Variants in SCHIP1 observed in about 807,000 individuals in gnomAD.
SCHIP1 encodes the protein schwannomin interacting protein 1, also known as schwannomin-interacting protein 1.
Under a neutral mutation model 29.7 loss-of-function variants are expected in SCHIP1, and 8 were observed. The observed-to-expected ratio is 0.27, with a 90% confidence interval of 0.16 to 0.49. The LOEUF (loss-of-function observed/expected upper bound fraction) is 0.49, where lower values mean the gene tolerates loss of function less well. Among genes scored for constraint, SCHIP1 ranks in the 20% least tolerant of loss-of-function variants. SCHIP1 has a pLI of 0.99. For synonymous variants in SCHIP1, 76 were observed against 94.9 expected, an observed-to-expected ratio of 0.80 and a Z score of 1.16; for missense variants, 193 against 294.6, an observed-to-expected ratio of 0.66 and a Z score of 2.52.
At chr3:159,541,695 G>A in the SCHIP1 span, among the ~76,000 whole-genome samples, 2 of 152,058 alleles carry the variant, frequency 1.3e-5, no homozygotes, top group Non-Finnish European at 2.9e-5. Flanking sequence ...AGACAAGTCT[G>A]CATTCCTGTT....
chr3:159,526,951 C>T, the SCHIP1 span, among the ~76,000 whole-genome samples: 2 of 152,216 alleles, frequency 1.3e-5, no homozygotes, highest in Non-Finnish European at 2.9e-5. Context: ...AACAAAAGGT[C>T]GCTTTTCCAG....
chr3:159,510,588 T>C, the SCHIP1 span, among the ~76,000 whole-genome samples: 1 of 152,192 alleles, frequency 6.6e-6, no homozygotes, highest in South Asian at 2.1e-4. Flanking sequence ...TTTTTCCCCA[T>C]CTTTGTGGTT....
At chr3:159,591,946 T>A in the SCHIP1 span, among the ~76,000 whole-genome samples, 2 of 137,914 alleles carry the variant, frequency 1.5e-5, no homozygotes, top group East Asian at 4.2e-4. Context: ...AAATTAAAAT[T>A]AAAACTAAAA....
the SCHIP1 span, among the ~76,000 whole-genome samples, chr3:159,499,012 C>T: frequency 6.6e-6 from 1 of 152,178 alleles, no homozygotes; most frequent in South Asian, 2.1e-4. Flanking sequence ...CCCTGGGCAG[C>T]TTGTATAGCT....
At chr3:159,340,531 T>C in the SCHIP1 span, among the ~76,000 whole-genome samples, 64 of 152,126 alleles carry the variant, frequency 4.2e-4, no homozygotes, top group Non-Finnish European at 7.1e-4. Flanking sequence ...TAAAATTGAG[T>C]AATCAATAAA....
At chr3:159,303,479 AGAAAG>A in the SCHIP1 span, among the ~76,000 whole-genome samples, 1 of 151,546 alleles carries the variant, frequency 6.6e-6, no homozygotes. Context: ...AGAAAAGAAA[AGAAAG>A]AGAAAGAAAA....
chr3:159,742,744 T>C, the SCHIP1 span, among the ~76,000 whole-genome samples: 1 of 151,792 alleles, frequency 6.6e-6, no homozygotes, highest in South Asian at 2.1e-4. Context: ...CTCAGCTCAC[T>C]GCAACCTCCA....
chr3:159,358,101 T>A, the SCHIP1 span, among the ~76,000 whole-genome samples: 1 of 152,206 alleles, frequency 6.6e-6, no homozygotes, highest in Admixed American at 6.5e-5. Context: ...AGAAGGCACT[T>A]GGTTTAGTGC....
chr3:159,392,399 GC>G, the SCHIP1 span, among the ~76,000 whole-genome samples: 1 of 151,978 alleles, frequency 6.6e-6, no homozygotes, highest in Non-Finnish European at 1.5e-5. Context: ...CCATGCTGGT[GC>G]GCTGCACCCA....
At chr3:159,541,057 A>G in the SCHIP1 span, among the ~76,000 whole-genome samples, 1 of 152,118 alleles carries the variant, frequency 6.6e-6, no homozygotes, top group African/African-American at 2.4e-5. Flanking sequence ...TAGGCTACGG[A>G]TGAACCAGCA....
chr3:159,769,235 C>T, the SCHIP1 span, among the ~76,000 whole-genome samples: 1 of 148,398 alleles, frequency 6.7e-6, no homozygotes, highest in Non-Finnish European at 1.5e-5. Flanking sequence ...TCACTGTAGC[C>T]CTCTTGCTCC....
chr3:159,635,931 T>C, the SCHIP1 span, among the ~76,000 whole-genome samples: 1 of 152,334 alleles, frequency 6.6e-6, no homozygotes, highest in South Asian at 2.1e-4. Flanking sequence ...GCCTTGTACT[T>C]TGTTAGTTTT....
chr3:159,366,507 C>T, the SCHIP1 span, among the ~76,000 whole-genome samples: 2 of 152,012 alleles, frequency 1.3e-5, no homozygotes, highest in Non-Finnish European at 2.9e-5. Context: ...CTTAAAACTC[C>T]CTACCATTCA....
chr3:159,462,524 G>A, the SCHIP1 span, among the ~76,000 whole-genome samples: 1 of 152,064 alleles, frequency 6.6e-6, no homozygotes, highest in African/African-American at 2.4e-5. Flanking sequence ...TTTGGCAGTC[G>A]CCTCCTACCT....
chr3:159,512,031 G>A, the SCHIP1 span, among the ~76,000 whole-genome samples: 1 of 152,086 alleles, frequency 6.6e-6, no homozygotes, highest in Non-Finnish European at 1.5e-5. Context: ...GGCTTCAAAA[G>A]CATCACTAGA....
the SCHIP1 span, among the ~76,000 whole-genome samples, chr3:159,275,629 A>T: frequency 6.6e-6 from 1 of 152,146 alleles, no homozygotes. Context: ...TATAACTATT[A>T]TCCAGCACAC....
upstream of SCHIP1, among the ~76,000 whole-genome samples, chr3:159,838,944 T>G: frequency 6.6e-6 from 1 of 151,028 alleles, no homozygotes; most frequent in South Asian, 2.1e-4. Flanking sequence ...ACAACAAAAC[T>G]AATTGCCTGT....
the SCHIP1 span, among the ~76,000 whole-genome samples, chr3:159,525,592 C>A: frequency 6.6e-6 from 1 of 152,218 alleles, no homozygotes; most frequent in Non-Finnish European, 1.5e-5. Flanking sequence ...GAGCACCATT[C>A]AGCTAAAATT....
chr3:159,680,655 TA>T, the SCHIP1 span, among the ~76,000 whole-genome samples: 1 of 83,336 alleles, frequency 1.2e-5, no homozygotes, highest in Non-Finnish European at 2.1e-5. Flanking sequence ...AATATATGTA[TA>T]TATAAAATAT....
Sources: gnomAD v4.1 joint callset for allele counts (sites outside exome capture counted in the v4.1 genomes callset) on GRCh38, gnomAD v4.1.1 for gene constraint, MANE v1.5 for transcripts, NCBI Gene and HGNC (gene_info 2026-07-23, HGNC 2026-07-21) for gene names.